The following PDE4D variants were observed in gnomAD, a reference collection of about 807,000 sequenced individuals.
The protein encoded by PDE4D is phosphodiesterase 4D, also known as 3',5'-cyclic-AMP phosphodiesterase 4D.
In PDE4D, 24 loss-of-function variants were observed where a neutral mutation model predicts 87.4. The observed-to-expected ratio is 0.27, with a 90% CI of 0.20 to 0.39. PDE4D has a LOEUF of 0.39. PDE4D is among the 10% of genes least tolerant of loss of function. PDE4D has a pLI of 1.00. For synonymous variants in PDE4D, 384 were observed against 383.2 expected (o/e 1.00, Z -0.02); for missense variants, 714 against 1,041.0 (o/e 0.69, Z 4.32).
At chr5:60,228,859 C>A (rs540047426) in intron 1 of PDE4D, among the ~76,000 whole-genome samples, 12 of 152,156 alleles carry the variant, frequency 7.9e-5, no homozygotes, top group African/African-American at 2.4e-4. Context: ...TGCAAACCTG[C>A]CTGCTAAATA....
At chr5:60,246,117 C>CT (rs1172402165) in intron 1 of PDE4D, among the ~76,000 whole-genome samples, 2 of 151,286 alleles carry the variant, frequency 1.3e-5, no homozygotes, top group Admixed American at 6.6e-5. Context: ...TAATTTGTAC[C>CT]TTTTTTCATT....
intron 1 of PDE4D, among the ~76,000 whole-genome samples, chr5:60,475,646 G>A (rs1166734544): frequency 2.0e-5 from 3 of 152,020 alleles, no homozygotes; most frequent in African/African-American, 4.8e-5. Flanking sequence ...ATTGATTAAT[G>A]TCTATTATAT....
chr5:59,631,752 C>T (rs536064719), intron 1 of PDE4D, among the ~76,000 whole-genome samples: 3 of 152,370 alleles, frequency 2.0e-5, no homozygotes, highest in South Asian at 4.1e-4. Flanking sequence ...TCACTAGCCA[C>T]AGATCAGGAG....
intron 1 of PDE4D, among the ~76,000 whole-genome samples, chr5:59,722,690 T>C (rs1271955693): frequency 1.3e-5 from 2 of 152,174 alleles, no homozygotes; most frequent in African/African-American, 4.8e-5. Flanking sequence ...CTTATAGAGT[T>C]ACAAACAGTT....
At chr5:59,659,773 G>A (rs376435793) in intron 1 of PDE4D, among the ~76,000 whole-genome samples, 25 of 152,130 alleles carry the variant, frequency 1.6e-4, no homozygotes, top group African/African-American at 5.6e-4. Flanking sequence ...CAGTGTGCAC[G>A]AAATGGTCTG....
At chr5:60,038,551 G>A (rs1768084399) in intron 2 of PDE4D, among the ~76,000 whole-genome samples, 1 of 152,036 alleles carries the variant, frequency 6.6e-6, no homozygotes, top group African/African-American at 2.4e-5. Context: ...TTTGAAGTCA[G>A]GTAGTGTGAT....
At chr5:60,095,793 G>A (rs573258611) in intron 2 of PDE4D, among the ~76,000 whole-genome samples, 20 of 152,246 alleles carry the variant, frequency 1.3e-4, no homozygotes, top group African/African-American at 2.9e-4. Context: ...TCTAACTGGC[G>A]TGAGATGGTA....
At chr5:59,931,407 T>C (rs1359031228) in intron 3 of PDE4D, among the ~76,000 whole-genome samples, 1 of 152,222 alleles carries the variant, frequency 6.6e-6, no homozygotes, top group Non-Finnish European at 1.5e-5. Context: ...TACCTGAAAC[T>C]TTCTTACAGT....
At position 59,112,737 on chromosome 5, in the gene PDE4D, C is replaced by T. The variant is rs576096546; in HGVS notation, c.808+67858G>A. On this transcript the variant is annotated intron_variant, in intron 5 of 14. Transcript: ENST00000340635. The stretch of plus-strand genomic sequence containing the variant: ...GGGGAAATCTATAATTCAACCCTCC[C>T]TCCCTTCCTTCCTCTCTTCTTTCTA... Among the ~76,000 whole-genome samples, 15 of 151,540 alleles carry T rather than the reference C, an allele frequency of 9.9e-5. No homozygotes were observed. In the East Asian group the frequency reaches 2.1e-3, roughly 22 times the overall value.
intron 3 of PDE4D, among the ~76,000 whole-genome samples, chr5:59,977,782 C>T (rs1761492838): frequency 6.6e-6 from 1 of 152,162 alleles, no homozygotes; most frequent in Non-Finnish European, 1.5e-5. Context: ...GGCTTCAAAG[C>T]TTCAAAGGAA....
intron 1 of PDE4D, among the ~76,000 whole-genome samples, chr5:59,302,453 T>C (rs1277900710): frequency 1.1e-4 from 17 of 152,158 alleles, no homozygotes. Flanking sequence ...TAGTGGTGAT[T>C]TGTGAGATTT....
chr5:60,286,139 C>T (rs780737180), intron 1 of PDE4D, among the ~76,000 whole-genome samples: 12 of 152,144 alleles, frequency 7.9e-5, no homozygotes, highest in Non-Finnish European at 1.5e-4. Flanking sequence ...CAGTCTGTCA[C>T]AACAACCCGG....
chr5:60,181,403 G>A (rs1415534448), intron 2 of PDE4D, among the ~76,000 whole-genome samples: 6 of 140,926 alleles, frequency 4.3e-5, no homozygotes, highest in Admixed American at 2.0e-4. Context: ...AAAACTGACA[G>A]CCTATTTAGG....
At chr5:59,409,023 C>T (rs532395911) in intron 1 of PDE4D, among the ~76,000 whole-genome samples, 15 of 152,070 alleles carry the variant, frequency 9.9e-5, no homozygotes, top group African/African-American at 3.6e-4. Context: ...CAGCGGGTGC[C>T]TGTAATCCCA....
chr5:59,993,592 G>T (rs1296301991), intron 2 of PDE4D, among the ~76,000 whole-genome samples: 1 of 152,090 alleles, frequency 6.6e-6, no homozygotes, highest in South Asian at 2.1e-4. Flanking sequence ...TAAAACAATT[G>T]TTTAAGGATG....
intron 1 of PDE4D, chr5:59,275,565 A>C: frequency 7.1e-7 from 1 of 1,416,086 alleles, no homozygotes; most frequent in Non-Finnish European, 9.2e-7. Flanking sequence ...GGTCCAGCTC[A>C]TGGGCAAGGT....
chr5:60,015,355 G>A (rs902904677), intron 2 of PDE4D, among the ~76,000 whole-genome samples: 2 of 152,122 alleles, frequency 1.3e-5, no homozygotes, highest in Non-Finnish European at 2.9e-5. Context: ...CCATGAAGTA[G>A]GTTGTAGTTT....
At chr5:59,513,909 T>C (rs1288336382) in intron 1 of PDE4D, among the ~76,000 whole-genome samples, 1 of 152,098 alleles carries the variant, frequency 6.6e-6, no homozygotes, top group Non-Finnish European at 1.5e-5. Context: ...AAGGAAAACT[T>C]AGAGCGAAAG....
intron 3 of PDE4D, among the ~76,000 whole-genome samples, chr5:59,917,427 C>T (rs961462876): frequency 1.3e-5 from 2 of 152,246 alleles, no homozygotes; most frequent in Admixed American, 1.3e-4. Context: ...GCACTGATCA[C>T]CCTCTCTGAC....
Sources: gnomAD v4.1 joint callset for allele counts (sites outside exome capture counted in the v4.1 genomes callset) on GRCh38, gnomAD v4.1.1 for gene constraint, MANE v1.5 for transcripts, NCBI Gene and HGNC (gene_info 2026-07-23, HGNC 2026-07-21) for gene names.